MARCHF1: variants seen among roughly 807,000 people sequenced by gnomAD.
The protein encoded by MARCHF1 is E3 ubiquitin-protein ligase MARCHF1.
In MARCHF1, 40 loss-of-function variants were observed where a neutral mutation model predicts 54.2. The ratio of observed to expected loss-of-function variants is 0.74; its 90% CI spans 0.57 to 0.96. MARCHF1 has a LOEUF of 0.96. Ranked by LOEUF, MARCHF1 falls within the 40% of genes least tolerant of loss-of-function variation. The pLI, the probability that MARCHF1 is intolerant of heterozygous loss-of-function variation, is 0.00. For synonymous variants in MARCHF1, 236 were observed against 236.3 expected, an observed-to-expected ratio of 1.00 and a Z score of 0.01; for missense variants, 586 against 656.5, an observed-to-expected ratio of 0.89 and a Z score of 1.17.
intron 1 of MARCHF1, among the ~76,000 whole-genome samples, chr4:164,141,630 G>A (rs1756537844): frequency 6.6e-6 from 1 of 152,236 alleles, no homozygotes; most frequent in East Asian, 1.9e-4. Context: ...ACCTGGCGGT[G>A]CGCAAGCTTT....
intron 3 of MARCHF1, among the ~76,000 whole-genome samples, chr4:163,920,685 G>T (rs1235950372): frequency 6.6e-6 from 1 of 152,142 alleles, no homozygotes; most frequent in Non-Finnish European, 1.5e-5. Context: ...GCCCCCACAG[G>T]ATGGACTGAC....
chr4:163,842,317 C>G (rs980199629), intron 4 of MARCHF1, among the ~76,000 whole-genome samples: 6 of 151,770 alleles, frequency 4.0e-5, no homozygotes, highest in Non-Finnish European at 8.8e-5. Context: ...AATACAGTAT[C>G]TACATTAGAG....
At chr4:163,677,401 A>G (rs1743954401) in intron 5 of MARCHF1, among the ~76,000 whole-genome samples, 1 of 152,080 alleles carries the variant, frequency 6.6e-6, no homozygotes, top group Non-Finnish European at 1.5e-5. Context: ...CTGGCCTTCC[A>G]TGGTACCAGC....
At chr4:163,614,185 C>T (rs370251339) in intron 5 of MARCHF1, among the ~76,000 whole-genome samples, 2 of 152,100 alleles carry the variant, frequency 1.3e-5, no homozygotes, top group East Asian at 3.9e-4. Context: ...GCTTTATTTA[C>T]TGTCTCTTTA....
intron 1 of MARCHF1, among the ~76,000 whole-genome samples, chr4:164,336,869 A>C (rs1729755331): frequency 6.6e-6 from 1 of 152,196 alleles, no homozygotes; most frequent in Non-Finnish European, 1.5e-5. Flanking sequence ...CTGGCATTTT[A>C]ATGGCTCTGG....
intron 4 of MARCHF1, among the ~76,000 whole-genome samples, chr4:163,709,570 T>C (rs147916023): frequency 2.0e-5 from 3 of 152,270 alleles, no homozygotes; most frequent in African/African-American, 7.2e-5. Flanking sequence ...CTATGTGTGT[T>C]GTATGTATGT....
chr4:163,857,853 T>C (rs1322275050), intron 3 of MARCHF1, among the ~76,000 whole-genome samples: 1 of 151,870 alleles, frequency 6.6e-6, no homozygotes, highest in Non-Finnish European at 1.5e-5. Flanking sequence ...AGCTTACAAT[T>C]AGGAGGGGAA....
chr4:163,954,207 C>A (rs1179144876), intron 3 of MARCHF1, among the ~76,000 whole-genome samples: 1 of 152,094 alleles, frequency 6.6e-6, no homozygotes, highest in Non-Finnish European at 1.5e-5. Flanking sequence ...TTATAGTTCT[C>A]ATAAAAATCA....
chr4:163,898,230 A>C (rs1313040870), intron 3 of MARCHF1, among the ~76,000 whole-genome samples: 1 of 152,122 alleles, frequency 6.6e-6, no homozygotes, highest in African/African-American at 2.4e-5. Flanking sequence ...CAGCAAAAGA[A>C]ATAATCAACA....
chr4:163,684,957 GC>G (rs1744221684), intron 5 of MARCHF1, among the ~76,000 whole-genome samples: 1 of 152,162 alleles, frequency 6.6e-6, no homozygotes, highest in African/African-American at 2.4e-5. Flanking sequence ...AAAGTAAGCT[GC>G]ACACTAAAGT....
rs1042390428 is a variant in MARCHF1 at position 163,533,404 on chromosome 4, C to T, written c.1340-4358G>A. Among the ~76,000 whole-genome samples the T allele has an allele frequency of 7.2e-4, 110 of 151,946 alleles. 1 individual carries two copies. The highest frequency in any genetic ancestry group is 2.6e-3 in the African/African-American group (108 of 41,494). On this transcript the variant is annotated intron_variant, in intron 9 of 9. Coordinates refer to ENST00000514618, the MANE Select transcript of MARCHF1 (RefSeq NM_001394959.1). ...GACTTTTTAAGGCGGCAACACCATT[C>T]TGTATGATTCTGTAACGGTGGACAC...
chr4:164,185,039 A>C (rs956762689), intron 1 of MARCHF1, among the ~76,000 whole-genome samples: 1 of 152,240 alleles, frequency 6.6e-6, no homozygotes, highest in African/African-American at 2.4e-5. Context: ...GGATTTAAAA[A>C]TCAAAACAAA....
intron 1 of MARCHF1, among the ~76,000 whole-genome samples, chr4:164,365,967 C>A (rs1051446291): frequency 7.7e-6 from 1 of 129,486 alleles, no homozygotes; most frequent in Non-Finnish European, 1.6e-5. Context: ...TTTTGATCAT[C>A]TCTCTCCCCT....
At chr4:163,939,273 C>A (rs977395381) in intron 3 of MARCHF1, among the ~76,000 whole-genome samples, 1 of 152,156 alleles carries the variant, frequency 6.6e-6, no homozygotes, top group Non-Finnish European at 1.5e-5. Context: ...GATCCCACAA[C>A]CTCATGTAGA....
At chr4:164,177,009 T>TATATATATATATATATATATATATAC (rs1553989397) in intron 1 of MARCHF1, among the ~76,000 whole-genome samples, 40 of 55,462 alleles carry the variant, frequency 7.2e-4, no homozygotes, top group Non-Finnish European at 1.0e-3. Flanking sequence ...TATATATATA[T>TATATATATATATATATATATATATAC]ACAAATGATA....
chr4:163,584,120 C>G (rs1438890441), intron 8 of MARCHF1: 3 of 150,010 alleles, frequency 2.0e-5, no homozygotes, highest in Admixed American at 6.7e-5. Context: ...ATACTAGATA[C>G]TACAAAAGCT....
At chr4:164,305,847 A>G (rs1734682264) in intron 1 of MARCHF1, among the ~76,000 whole-genome samples, 1 of 152,124 alleles carries the variant, frequency 6.6e-6, no homozygotes, top group South Asian at 2.1e-4. Context: ...CATTGTACGC[A>G]TGTATTGACA....
chr4:164,239,225 A>G (rs921444158), intron 1 of MARCHF1, among the ~76,000 whole-genome samples: 75 of 152,080 alleles, frequency 4.9e-4, no homozygotes, highest in African/African-American at 1.7e-3. Context: ...AAGAAAAGTG[A>G]ATAATCTCTG....
intron 9 of MARCHF1, chr4:163,530,274 A>G (rs576594304): frequency 2.0e-5 from 3 of 152,078 alleles, no homozygotes; most frequent in South Asian, 2.1e-4. Context: ...ATAATCCCAG[A>G]TCCCCAGCAA....
Sources: gnomAD v4.1 joint callset for allele counts (sites outside exome capture counted in the v4.1 genomes callset) on GRCh38, gnomAD v4.1.1 for gene constraint, MANE v1.5 for transcripts, NCBI Gene and HGNC (gene_info 2026-07-23, HGNC 2026-07-21) for gene names.